SMC1A: variants seen among roughly 807,000 people sequenced by gnomAD.
The protein encoded by SMC1A is structural maintenance of chromosomes protein 1A.
A neutral mutation model predicts 94.5 loss-of-function variants in SMC1A; 4 were observed. That is an observed-to-expected ratio of 0.04 (90% CI 0.02 to 0.10). The LOEUF is 0.10. Among genes scored for constraint, SMC1A ranks in the 10% least tolerant of loss-of-function variants. The pLI is 1.00. For synonymous variants in SMC1A, 345 were observed against 347.7 expected (o/e 0.99, Z 0.09); for missense variants, 304 against 989.0 (o/e 0.31, Z 9.29).
Position 53,409,401 on chromosome X carries a change from A to G in SMC1A, c.1337+20T>C. On this transcript the variant is annotated intron_variant, in intron 8 of 24. Transcript: ENST00000322213. ...AAGAACAGGCCTGGAAGTAAGGGGG[A>G]CAGATGCAGAGCTACATACTTGCTA... 8.5e-7 allele frequency: 1 copy of G among 1,178,492 alleles called. No homozygotes were observed. The highest frequency in any genetic ancestry group is 1.2e-6 in the Non-Finnish European group (1 of 865,394).
chrX:53,399,172 A>G (rs1196720692), intron 16 of SMC1A, among the ~76,000 whole-genome samples: 1 of 111,292 alleles, frequency 9.0e-6, no homozygotes, highest in Non-Finnish European at 1.9e-5. Context: ...CGGGAGGCGG[A>G]GGTTGCAGTG....
intron 19 of SMC1A, among the ~76,000 whole-genome samples, chrX:53,389,102 A>C (rs936313053): frequency 1.9e-5 from 2 of 107,669 alleles, no homozygotes; most frequent in African/African-American, 3.4e-5. Context: ...TACAGAGGAT[A>C]GCAGAACCAT....
At chrX:53,422,255 T>C (rs1385373056) in intron 1 of SMC1A, among the ~76,000 whole-genome samples, 2 of 111,890 alleles carry the variant, frequency 1.8e-5, no homozygotes, top group African/African-American at 6.5e-5. Flanking sequence ...CAGCTCGGCC[T>C]GTACCACTGG....
chrX:53,421,119 C>T (rs1280003565), intron 1 of SMC1A, among the ~76,000 whole-genome samples: 1 of 111,191 alleles, frequency 9.0e-6, no homozygotes, highest in African/African-American at 3.3e-5. Context: ...CTAGCTCTTC[C>T]AACAGGGGCC....
intron 16 of SMC1A, among the ~76,000 whole-genome samples, chrX:53,397,948 G>T (rs2075657508): frequency 9.1e-6 from 1 of 110,308 alleles, no homozygotes; most frequent in Non-Finnish European, 1.9e-5. Context: ...CACTTTGGGA[G>T]GCAGAGGCGG....
Position 53,379,074 on chromosome X carries a change from G to T in SMC1A, c.*1029C>A, listed in dbSNP as rs1556885575. On this transcript the variant is annotated 3_prime_UTR_variant, in exon 25 of 25. Transcript: ENST00000322213. ...AAGCTCTCAGGGGTCCAGGCATGAG[G>T]GTTATATTCTGAGGGGTCGGCACCT... 1 of 111,884 alleles carries T rather than the reference G, an allele frequency of 8.9e-6. No homozygotes were observed. Among genetic ancestry groups the T allele is most frequent in the Non-Finnish European group, 1.9e-5 (1 of 53,192 alleles). The allele number at this position is 111,884 out of a possible 1,213,427, so 9.2% of individuals were successfully genotyped here.
At position 53,413,258 on chromosome X, in the gene SMC1A, T is replaced by G; in HGVS notation, c.589A>C (p.Lys197Gln). Residue 197 changes from lysine (K) to glutamine (Q), a missense_variant, in exon 4 of 25, where the codon AAG (lysine) becomes CAG (glutamine). Around this residue, in one of 11 missense-constraint regions of SMC1A, gnomAD observed 120 missense variants for 314.9 expected, o/e 0.38. Coordinates refer to ENST00000322213, the MANE Select transcript of SMC1A (RefSeq NM_006306.4). ...TCTTCTTTCTCCTGCTTTGCTTCCTTGCGTTCAGCCGCAATATTTTTCTTG... is the reference window on the plus strand; with the variant it reads ...TCTTCTTTCTCCTGCTTTGCTTCCTGGCGTTCAGCCGCAATATTTTTCTTG... ...HRKKNIAAER[K>Q]EAKQEKEEAD... 1 of 1,211,708 alleles carries G rather than the reference T, an allele frequency of 8.3e-7. No individual in the cohort carries two copies.
rs1020225216 is a variant in SMC1A, at chrX:53,409,335, C to G, written c.1338-66G>C. The G allele has an allele frequency of 1.6e-5, 18 of 1,159,788 alleles. No homozygotes were observed. In the Admixed American group the frequency reaches 4.0e-4, roughly 26 times the overall value. ...GAAAATACTCCTGGCTCAGAGAGCT[C>G]TGGGGGTCCTGCATGAAGAGGGGCA... is the stretch of plus-strand genomic sequence containing the variant. On this transcript the variant is annotated intron_variant, in intron 8 of 24. Transcript: ENST00000322213.
chrX:53,421,172 A>G lies in SMC1A; in HGVS notation c.109+1320T>C, dbSNP rs931721332. Among the ~76,000 whole-genome samples, 15 of 112,098 alleles carry G rather than the reference A, an allele frequency of 1.3e-4. 1 individual carries two copies. The highest frequency in any genetic ancestry group is 2.6e-4 in the Non-Finnish European group (14 of 53,169). On this transcript the variant is annotated intron_variant, in intron 1 of 24. Transcript: ENST00000322213. ...GGAAACTGGGTGGACACCAAGCATT[A>G]GCCCTCCAGGCCAGTGGTTCTCAAA... is the stretch of plus-strand genomic sequence containing the variant.
intron 23 of SMC1A, 97 bp from the exon 24 acceptor site, chrX:53,380,827 G>A (rs953831374): frequency 1.5e-6 from 1 of 687,069 alleles, no homozygotes; most frequent in African/African-American, 2.1e-5. Flanking sequence ...GTAGGGTAGG[G>A]AGAGGAAGGT....
At position 53,405,318 on chromosome X, in the gene SMC1A, T is replaced by C; in HGVS notation, c.1985A>G (p.Lys662Arg). The C allele has an allele frequency of 8.3e-7, 1 of 1,211,711 alleles. No homozygotes were observed. The highest frequency in any genetic ancestry group is 1.1e-6 in the Non-Finnish European group (1 of 895,455). Residue 662 changes from lysine to arginine, a missense_variant, in exon 12 of 25, where the codon AAG (lysine) becomes AGG (arginine). By Grantham distance (26) the Lys-to-Arg change is conservative. Coordinates refer to ENST00000322213, the MANE Select transcript of SMC1A (RefSeq NM_006306.4). ...ISGGASDLKA[K>R]ARRWDEKAVD... ...TGCTTTCTCATCCCAGCGCCGTGCC[T>C]TGGCCTTCAGGTCACTGGCCCCACC...
chrX:53,422,134 C>G, intron 1 of SMC1A: 2 of 987,198 alleles, frequency 2.0e-6, no homozygotes, highest in South Asian at 4.6e-5. Flanking sequence ...GGCTGGGAAG[C>G]CGGCTCCGGC....
chrX:53,392,186 C>G (rs1556887355), intron 19 of SMC1A, among the ~76,000 whole-genome samples: 1 of 110,155 alleles, frequency 9.1e-6, no homozygotes, highest in African/African-American at 3.3e-5. Flanking sequence ...GTCAGGAGAT[C>G]GAGACAATCC....
chrX:53,390,491 A>G (rs1199119697), intron 19 of SMC1A, among the ~76,000 whole-genome samples: 1 of 109,536 alleles, frequency 9.1e-6, no homozygotes, highest in Non-Finnish European at 1.9e-5. Context: ...CTATCTCAAA[A>G]AAAAAAAAGA....
intron 9 of SMC1A, among the ~76,000 whole-genome samples, chrX:53,407,063 T>C (rs1556889846): frequency 2.7e-5 from 3 of 112,362 alleles, no homozygotes. Context: ...AAGTGGACTG[T>C]GGTTTTATGA....
chrX:53,381,779 T>C (rs1243260191), intron 22 of SMC1A: 4 of 225,373 alleles, frequency 1.8e-5, no homozygotes, highest in East Asian at 1.1e-4. Flanking sequence ...ACTCAAGAAA[T>C]TGATGCTGTA....
At chrX:53,411,156 TA>T (rs1400958833) in intron 7 of SMC1A, among the ~76,000 whole-genome samples, 3 of 109,821 alleles carry the variant, frequency 2.7e-5, no homozygotes, top group Non-Finnish European at 5.7e-5. Context: ...TCCTCATTCA[TA>T]AAATAGGGTA....
intron 19 of SMC1A, among the ~76,000 whole-genome samples, 168 bp from the exon 20 acceptor site, chrX:53,383,421 T>C: frequency 8.9e-6 from 1 of 111,831 alleles, no homozygotes. Context: ...TAGTAACCAT[T>C]CCCACCATCT....
rs1556890141 is a variant in SMC1A, at chrX:53,409,135, C to T, written c.1472G>A (p.Arg491His). The T allele has an allele frequency of 3.3e-6, 4 of 1,209,666 alleles. No homozygotes were observed. Among genetic ancestry groups the T allele is most frequent in the Non-Finnish European group, 4.5e-6 (4 of 895,149 alleles). ...MEQLGDARIDRQESSRQQRKA... is the reference protein window; with the variant it reads ...MEQLGDARIDHQESSRQQRKA... ...TCGCTGCTGGCGGCTGCTCTCCTGG[C>T]GGTCGATGCGGGCATCCCCTAGCTG... The change falls in exon 9 of 25, where the codon CGC becomes CAC. Residue 491 changes from arginine (R) to histidine (H), a missense_variant. Arg to His is a conservative substitution (Grantham distance 29). Coordinates refer to ENST00000322213, the MANE Select transcript of SMC1A (RefSeq NM_006306.4).
Sources: allele counts gnomAD v4.1 joint callset (sites outside exome capture counted in the v4.1 genomes callset), GRCh38; gene constraint gnomAD v4.1.1; regional missense constraint gnomAD v4.1.1; transcripts MANE v1.5; gene names NCBI Gene and HGNC (gene_info 2026-07-23, HGNC 2026-07-21).